KAZN: variants seen among roughly 807,000 people sequenced by gnomAD.
The protein encoded by KAZN is kazrin.
Under a neutral mutation model 87.4 loss-of-function variants are expected in KAZN, and 40 were observed. The ratio of observed to expected loss-of-function variants is 0.46; its 90% CI spans 0.36 to 0.60. The LOEUF is 0.60. Ranked by LOEUF, KAZN falls within the 20% of genes least tolerant of loss-of-function variation. KAZN has a pLI of 0.00. For synonymous variants in KAZN, 466 were observed against 458.3 expected, an observed-to-expected ratio of 1.02 and a Z score of -0.22; for missense variants, 898 against 1,073.9, an observed-to-expected ratio of 0.84 and a Z score of 2.29.
intron 1 of KAZN, among the ~76,000 whole-genome samples, chr1:13,974,618 G>C (rs1000340777): frequency 1.3e-5 from 2 of 152,196 alleles, no homozygotes; most frequent in Admixed American, 1.3e-4. Flanking sequence ...GCTGAGATGG[G>C]AATGCTGCTG....
intron 1 of KAZN, among the ~76,000 whole-genome samples, chr1:14,881,307 C>T (rs1653313257): frequency 6.6e-6 from 1 of 152,210 alleles, no homozygotes; most frequent in African/African-American, 2.4e-5. Flanking sequence ...CTTCCCAACC[C>T]TTGTCAAAAC....
intron 1 of KAZN, among the ~76,000 whole-genome samples, chr1:14,750,948 G>A (rs1233714270): frequency 6.6e-6 from 1 of 152,210 alleles, no homozygotes; most frequent in Non-Finnish European, 1.5e-5. Context: ...CCACCTACAA[G>A]TGAGCAAGGG....
intron 2 of KAZN, among the ~76,000 whole-genome samples, chr1:14,397,777 C>T (rs968412597): frequency 4.7e-5 from 7 of 147,518 alleles, no homozygotes; most frequent in African/African-American, 1.8e-4. Flanking sequence ...AGGAGAATCA[C>T]TTGAATCTGG....
intron 2 of KAZN, among the ~76,000 whole-genome samples, chr1:14,474,655 G>A (rs1668623681): frequency 6.6e-6 from 1 of 152,150 alleles, no homozygotes; most frequent in African/African-American, 2.4e-5. Context: ...ATATATTTAA[G>A]AGCTTGAATT....
rs369477906 is a variant in KAZN at position 13,961,087 on chromosome 1, G to C, written c.91+67331G>C. The stretch of plus-strand genomic sequence containing the variant: ...GCATTCCTTCTCCCCTACATTAGGG[G>C]CTGAGCCCCTTTTTCCCACCTCCCT... On this transcript the variant is annotated intron_variant, in intron 1 of 16. Coordinates refer to the KAZN transcript ENST00000636203. Among the ~76,000 whole-genome samples the C allele has an allele frequency of 6.6e-5, 10 of 152,244 alleles. No homozygotes were observed. In the East Asian group the frequency reaches 1.7e-3, roughly 26 times the overall value.
intron 1 of KAZN, among the ~76,000 whole-genome samples, chr1:14,655,359 C>A (rs1213224861): frequency 6.6e-6 from 1 of 152,214 alleles, no homozygotes. Context: ...TTGTAACTTG[C>A]TCTGCAAGTA....
At chr1:14,306,960 T>A (rs1168568752) in intron 2 of KAZN, among the ~76,000 whole-genome samples, 2 of 152,210 alleles carry the variant, frequency 1.3e-5, no homozygotes, top group Non-Finnish European at 2.9e-5. Context: ...AATCTTTCCA[T>A]TTTATTTGAT....
intron 1 of KAZN, among the ~76,000 whole-genome samples, chr1:13,971,163 C>T (rs1407167357): frequency 1.3e-5 from 2 of 152,166 alleles, no homozygotes; most frequent in Non-Finnish European, 2.9e-5. Context: ...CTCCACATAG[C>T]TCTCACATTT....
chr1:14,360,555 A>AT (rs777929888), intron 2 of KAZN, among the ~76,000 whole-genome samples: 22 of 150,428 alleles, frequency 1.5e-4, no homozygotes, highest in South Asian at 6.3e-4. Context: ...CTTTTTGTGC[A>AT]TTTTTTTTTA....
chr1:14,725,087 C>T (rs1336753165), intron 1 of KAZN, among the ~76,000 whole-genome samples: 2 of 152,184 alleles, frequency 1.3e-5, no homozygotes, highest in African/African-American at 2.4e-5. Context: ...GAAAGAAGAT[C>T]ACCATACACT....
chr1:14,173,481 T>C (rs1399926734), intron 1 of KAZN, among the ~76,000 whole-genome samples: 1 of 152,104 alleles, frequency 6.6e-6, no homozygotes, highest in African/African-American at 2.4e-5. Flanking sequence ...CACCAGCTGC[T>C]CCACAGTCCT....
intron 1 of KAZN, among the ~76,000 whole-genome samples, chr1:14,164,627 G>A (rs536085665): frequency 5.0e-4 from 67 of 134,046 alleles, no homozygotes; most frequent in Middle Eastern, 5.0e-3. Flanking sequence ...CACAACCTCC[G>A]CTCCCTGGGT....
At chr1:14,274,355 C>G (rs1652186101) in intron 2 of KAZN, among the ~76,000 whole-genome samples, 1 of 152,012 alleles carries the variant, frequency 6.6e-6, no homozygotes, top group South Asian at 2.1e-4. Flanking sequence ...ATTCACCAAA[C>G]ACACCACCCT....
At chr1:14,451,929 C>T (rs528121831) in intron 2 of KAZN, among the ~76,000 whole-genome samples, 1 of 151,658 alleles carries the variant, frequency 6.6e-6, no homozygotes, top group Non-Finnish European at 1.5e-5. Context: ...ATGAGATTAA[C>T]TCTTTTTTGT....
Position 14,769,097 on chromosome 1 carries a change from A to C in KAZN, c.226+169874A>C, listed in dbSNP as rs1644957109. ...CCCATTTGAAGGCTCAACCCTTTAGAGCTCCCTTTGCTGTCCATTCACAGT... is the reference window on the plus strand; with the variant it reads ...CCCATTTGAAGGCTCAACCCTTTAGCGCTCCCTTTGCTGTCCATTCACAGT... On this transcript the variant is annotated intron_variant, in intron 1 of 14. Coordinates refer to ENST00000376030, the MANE Select transcript of KAZN (RefSeq NM_201628.3). The surrounding 1 kb of genome is among the most constrained non-coding windows in gnomAD (Gnocchi z 4.1). Among the ~76,000 whole-genome samples the C allele has an allele frequency of 6.6e-6, 1 of 152,178 alleles. No homozygotes were observed.
chr1:14,324,997 G>A (rs1247621154), intron 2 of KAZN, among the ~76,000 whole-genome samples: 1 of 152,108 alleles, frequency 6.6e-6, no homozygotes, highest in Non-Finnish European at 1.5e-5. Context: ...GCCATTATTC[G>A]GTCTTTATCA....
At chr1:14,634,132 CA>C (rs1408372412) in intron 1 of KAZN, among the ~76,000 whole-genome samples, 1 of 152,122 alleles carries the variant, frequency 6.6e-6, no homozygotes, top group Non-Finnish European at 1.5e-5. Context: ...ATTACTGTCA[CA>C]AGGAGTTATG....
At chr1:13,934,087 T>A (rs1390172232) in intron 1 of KAZN, among the ~76,000 whole-genome samples, 1 of 152,220 alleles carries the variant, frequency 6.6e-6, no homozygotes, top group East Asian at 1.9e-4. Flanking sequence ...ATAACATAGA[T>A]ATTTCTCTCC....
chr1:14,182,554 C>G (rs1242383532), intron 2 of KAZN, among the ~76,000 whole-genome samples: 2 of 152,176 alleles, frequency 1.3e-5, no homozygotes, highest in African/African-American at 4.8e-5. Context: ...CACCTGCTAA[C>G]CCCAGTCCTG....
Sources: allele counts gnomAD v4.1 joint callset (sites outside exome capture counted in the v4.1 genomes callset), GRCh38; gene constraint gnomAD v4.1.1; non-coding constraint Gnocchi (gnomAD v3.1); transcripts MANE v1.5; gene names NCBI Gene and HGNC (gene_info 2026-07-23, HGNC 2026-07-21).